Variants in SOX5 observed in about 807,000 individuals in gnomAD.
SOX5 encodes the protein SRY-box transcription factor 5, also known as transcription factor SOX-5.
A neutral mutation model predicts 92.0 loss-of-function variants in SOX5; 9 were observed. The ratio of observed to expected loss-of-function variants is 0.10; its 90% CI spans 0.06 to 0.17. The LOEUF (loss-of-function observed/expected upper bound fraction) is 0.17. SOX5 is among the 10% of genes least tolerant of loss of function. The probability of loss-of-function intolerance (pLI) is 1.00; values close to 1 mark genes in which losing one functional copy is unlikely to be tolerated. For missense variants in SOX5, 642 were observed against 944.5 expected (o/e 0.68, Z 4.20); for synonymous variants, 344 against 336.3 (o/e 1.02, Z -0.25).
At chr12:24,069,578 T>C (rs1382589384) in intron 4 of SOX5, among the ~76,000 whole-genome samples, 1 of 152,174 alleles carries the variant, frequency 6.6e-6, no homozygotes, top group African/African-American at 2.4e-5. Context: ...GACAGATCAG[T>C]GTATCTGCAC....
At chr12:24,291,874 T>C (rs976358561) in intron 2 of SOX5, among the ~76,000 whole-genome samples, 9 of 152,186 alleles carry the variant, frequency 5.9e-5, no homozygotes, top group Non-Finnish European at 1.3e-4. Context: ...GTTGCCTATA[T>C]AAAAGGAAGC....
intron 1 of SOX5, among the ~76,000 whole-genome samples, chr12:24,530,141 T>C (rs1228607266): frequency 6.6e-6 from 1 of 152,188 alleles, no homozygotes; most frequent in Non-Finnish European, 1.5e-5. Flanking sequence ...CAGTACTGGT[T>C]ATTCTACATT....
At chr12:24,110,787 G>A (rs1374359054) in intron 4 of SOX5, among the ~76,000 whole-genome samples, 1 of 151,090 alleles carries the variant, frequency 6.6e-6, no homozygotes, top group African/African-American at 2.4e-5. Context: ...TGTAGGCCCA[G>A]CTACTCGGGA....
chr12:23,530,082 T>G lies in SOX5; in HGVS notation c.*4137A>C, dbSNP rs1469418567. The G allele has an allele frequency of 6.6e-6, 1 of 152,210 alleles. No homozygotes were observed. Among genetic ancestry groups the G allele is most frequent in the Non-Finnish European group, 1.5e-5 (1 of 68,022 alleles). 9.4% of individuals were successfully genotyped at this position (152,210 alleles called of 1,614,324 possible). A position where few individuals can be genotyped will look rare whatever the true frequency, so the allele number is the denominator to read the frequency against. On this transcript the variant is annotated 3_prime_UTR_variant, in exon 15 of 15. Transcript: ENST00000451604. ...TTTAAAATTAAATACTGTAAAAGCC[T>G]GGCTAAACCAACAGCTATGCCCTAC...
chr12:23,695,768 C>T lies in SOX5; in HGVS notation c.811-30204G>A, dbSNP rs1032924886. Among the ~76,000 whole-genome samples, 7 of 151,488 alleles carry T rather than the reference C, an allele frequency of 4.6e-5. No individual in the cohort carries two copies. In the South Asian group the frequency reaches 6.2e-4, roughly 13 times the overall value. On this transcript the variant is annotated intron_variant, in intron 6 of 14. Transcript: ENST00000451604. ...CATCCTGGCTAACACGGTGAAACCC[C>T]GTCTCTACTAAAAATACAAAAAATT...
At chr12:24,319,649 T>C (rs991837079) in intron 2 of SOX5, among the ~76,000 whole-genome samples, 3 of 152,210 alleles carry the variant, frequency 2.0e-5, no homozygotes, top group African/African-American at 4.8e-5. Flanking sequence ...ATCCCACACA[T>C]GGTTCTGAGT....
intron 4 of SOX5, among the ~76,000 whole-genome samples, chr12:24,083,551 T>C (rs1478576484): frequency 6.6e-6 from 1 of 152,036 alleles, no homozygotes; most frequent in African/African-American, 2.4e-5. Context: ...GAAATAGGTA[T>C]AACGTTTTTT....
At chr12:23,928,505 T>C (rs1940598700) in intron 1 of SOX5, among the ~76,000 whole-genome samples, 1 of 151,992 alleles carries the variant, frequency 6.6e-6, no homozygotes, top group African/African-American at 2.4e-5. Context: ...AAAACAATTT[T>C]ATGCATTTTA....
chr12:24,523,060 T>A (rs917926157), intron 1 of SOX5, among the ~76,000 whole-genome samples: 5 of 152,000 alleles, frequency 3.3e-5, no homozygotes, highest in African/African-American at 1.2e-4. Context: ...ATAAATATAG[T>A]AAAGTGGCAG....
chr12:24,111,795 G>A (rs912330558), intron 4 of SOX5, among the ~76,000 whole-genome samples: 8 of 152,128 alleles, frequency 5.3e-5, no homozygotes, highest in Admixed American at 1.3e-4. Context: ...AAAACTTTCC[G>A]TTTCCTTTAC....
In SOX5 at chr12:23,698,929, C is replaced by T. The variant is rs571202366; in HGVS notation, c.811-33365G>A. On this transcript the variant is annotated intron_variant, in intron 6 of 14. Transcript: ENST00000451604. ...ACCCTCTACATGTTACGAGTTCCTC[C>T]ATTCTGCCTTGTGAAAACAGAAAGT... is the stretch of plus-strand genomic sequence containing the variant. Among the ~76,000 whole-genome samples, 3 of 152,272 alleles carry T rather than the reference C, an allele frequency of 2.0e-5. No homozygotes were observed. The South Asian group carries it at 6.2e-4, about 32-fold the overall frequency.
chr12:24,059,305 G>A (rs1169129858), intron 4 of SOX5, among the ~76,000 whole-genome samples: 3 of 151,980 alleles, frequency 2.0e-5, no homozygotes, highest in Non-Finnish European at 4.4e-5. Flanking sequence ...ATCTGAAAAG[G>A]AAATAGGCTA....
intron 1 of SOX5, among the ~76,000 whole-genome samples, chr12:24,430,837 G>C (rs924838432): frequency 3.0e-4 from 46 of 152,110 alleles, no homozygotes; most frequent in African/African-American, 9.7e-4. Flanking sequence ...CCAGACAGTA[G>C]AGACGGTTCT....
At chr12:23,810,863 A>T (rs1343310916) in intron 3 of SOX5, among the ~76,000 whole-genome samples, 1 of 152,116 alleles carries the variant, frequency 6.6e-6, no homozygotes, top group Non-Finnish European at 1.5e-5. Flanking sequence ...CTCTTGGGTT[A>T]ATTAATATAT....
rs75237014 is a variant in SOX5, at chr12:23,746,847, G to A, written c.569-5808C>T. Among the ~76,000 whole-genome samples, 407 of 152,064 alleles carry A rather than the reference G, an allele frequency of 2.7e-3. 1 individual carries two copies. Among genetic ancestry groups the A allele is most frequent in the African/African-American group, 7.8e-3 (324 of 41,492 alleles). On this transcript the variant is annotated intron_variant, in intron 4 of 14. Coordinates refer to ENST00000451604, the MANE Select transcript of SOX5 (RefSeq NM_006940.6). The stretch of plus-strand genomic sequence containing the variant: ...TGCTGTGGGTGGGAGCCGGTGGGAG[G>A]TAATTTAATCATGGGGGTGGGTCTT...
chr12:24,319,407 C>G (rs925478172), intron 2 of SOX5, among the ~76,000 whole-genome samples: 2 of 152,156 alleles, frequency 1.3e-5, no homozygotes, highest in African/African-American at 4.8e-5. Context: ...CATCACAAGT[C>G]ACCTATTTTT....
At chr12:23,928,150 G>A (rs188512959) in intron 1 of SOX5, among the ~76,000 whole-genome samples, 1 of 151,996 alleles carries the variant, frequency 6.6e-6, no homozygotes, top group African/African-American at 2.4e-5. Context: ...GAAGCCAAAT[G>A]AGCCCAGAGA....
chr12:24,262,575 C>T (rs1228148641), intron 3 of SOX5, among the ~76,000 whole-genome samples: 2 of 152,140 alleles, frequency 1.3e-5, no homozygotes, highest in Admixed American at 6.5e-5. Flanking sequence ...AGCAAGGTGA[C>T]CCCATCTTGA....
At chr12:24,171,337 C>T (rs1303301605) in intron 4 of SOX5, among the ~76,000 whole-genome samples, 6 of 151,124 alleles carry the variant, frequency 4.0e-5, no homozygotes, top group Non-Finnish European at 1.5e-5. Flanking sequence ...AATTCTCCTG[C>T]CTCAGCCTCC....
Sources: gnomAD v4.1 joint callset for allele counts (sites outside exome capture counted in the v4.1 genomes callset) on GRCh38, gnomAD v4.1.1 for gene constraint, MANE v1.5 for transcripts, NCBI Gene and HGNC (gene_info 2026-07-23, HGNC 2026-07-21) for gene names.